Variants in BIN1 observed in about 807,000 individuals in gnomAD.
The protein encoded by BIN1 is myc box-dependent-interacting protein 1.
Under a neutral mutation model 82.0 loss-of-function variants are expected in BIN1, and 53 were observed. The ratio of observed to expected loss-of-function variants is 0.65; its 90% CI spans 0.52 to 0.81. The LOEUF (loss-of-function observed/expected upper bound fraction) is 0.81. Among genes scored for constraint, BIN1 ranks in the 40% least tolerant of loss-of-function variants. The probability of loss-of-function intolerance (pLI) is 0.00; values close to 1 mark genes in which losing one functional copy is unlikely to be tolerated. For synonymous variants in BIN1, 302 were observed against 328.0 expected, an observed-to-expected ratio of 0.92 and a Z score of 0.86; for missense variants, 642 against 784.4, an observed-to-expected ratio of 0.82 and a Z score of 2.17.
Position 127,107,104 on chromosome 2 carries a change from G to T in BIN1, c.-161C>A. On this transcript the variant is annotated 5_prime_UTR_variant, in exon 1 of 19. Coordinates refer to ENST00000316724, the MANE Select transcript of BIN1 (RefSeq NM_139343.3). The surrounding 1 kb of genome is among the most constrained non-coding windows in gnomAD (Gnocchi z 5.9). ...AACTGACGGAGGCGGAGCGTGCGCC[G>T]GACGGGCGAGCGAGCCAGCGAGCTA... The T allele has an allele frequency of 1.3e-6, 1 of 745,408 alleles. No individual in the cohort carries two copies. The allele number at this position is 745,408 out of a possible 1,614,324, so 46.2% of individuals were successfully genotyped here.
rs75448675 is a variant in BIN1, at chr2:127,089,222, T to C, written c.85-12516A>G. Among the ~76,000 whole-genome samples, 146 of 152,198 alleles carry C rather than the reference T, an allele frequency of 9.6e-4. 2 individuals carry two copies. The East Asian group carries it at 0.026, about 27-fold the overall frequency. ...TCCATCGGTGAGGAGCTTTAACCAC[T>C]GCACATGCGGCCTCGGCCCCCAGGA... On this transcript the variant is annotated intron_variant, in intron 1 of 18. Transcript: ENST00000316724.
chr2:127,102,866 T>C (rs766734855), intron 1 of BIN1, among the ~76,000 whole-genome samples: 1 of 152,154 alleles, frequency 6.6e-6, no homozygotes, highest in Non-Finnish European at 1.5e-5. Flanking sequence ...AGGAAGAGCC[T>C]GAACAGGTTC....
intron 1 of BIN1, among the ~76,000 whole-genome samples, chr2:127,079,991 G>GC (rs1687088438): frequency 6.6e-6 from 1 of 152,230 alleles, no homozygotes; most frequent in African/African-American, 2.4e-5. Flanking sequence ...GTGCTCCAGT[G>GC]CCCCCGCCTT....
chr2:127,081,750 G>C, intron 1 of BIN1: 1 of 1,262,482 alleles, frequency 7.9e-7, no homozygotes, highest in South Asian at 1.3e-5. Flanking sequence ...ACACATGGAA[G>C]GGGGACCTCA....
chr2:127,072,984 G>C (rs1686092385), intron 2 of BIN1, among the ~76,000 whole-genome samples: 1 of 152,192 alleles, frequency 6.6e-6, no homozygotes, highest in Non-Finnish European at 1.5e-5. Context: ...TCCCTGCCAG[G>C]CCTCCACCAT....
At chr2:127,092,861 C>G (rs184212408) in intron 1 of BIN1, among the ~76,000 whole-genome samples, 1 of 152,294 alleles carries the variant, frequency 6.6e-6, no homozygotes, top group Non-Finnish European at 1.5e-5. Flanking sequence ...GCCTGCACCC[C>G]CTGTGCCCGA....
chr2:127,078,191 C>T (rs188851236), intron 1 of BIN1, among the ~76,000 whole-genome samples: 2,440 of 152,288 alleles, frequency 0.016, 70 homozygotes, highest in African/African-American at 0.056. Flanking sequence ...ACTTCCCCCC[C>T]CAGCCAGGCC....
rs1257972196 is a variant in BIN1 at position 127,070,149 on chromosome 2, C to T, written c.316-59G>A. On this transcript the variant is annotated intron_variant, in intron 4 of 18. Transcript: ENST00000316724. ...GAGGGCTGGGCCACACCCGCCCCAG[C>T]GCTCACCTCGCAGGGACCAGCCCCA... 2.8e-6 allele frequency: 4 copies of T among 1,428,826 alleles called. No individual in the cohort carries two copies. In the South Asian group the frequency reaches 3.5e-5, roughly 12 times the overall value. The allele number at this position is 1,428,826 out of a possible 1,614,324, so 88.5% of individuals were successfully genotyped here. A position where few individuals can be genotyped will look rare whatever the true frequency, so the allele number is the denominator to read the frequency against.
chr2:127,081,685 C>T (rs773895520), intron 1 of BIN1: 51 of 868,588 alleles, frequency 5.9e-5, no homozygotes, highest in East Asian at 4.9e-4. Flanking sequence ...CACCAGCCAG[C>T]GGCACCCCTC....
chr2:127,076,354 G>GCA (rs1686608571), intron 2 of BIN1, among the ~76,000 whole-genome samples: 1 of 151,630 alleles, frequency 6.6e-6, no homozygotes, highest in Admixed American at 6.6e-5. Context: ...ACAATCTATT[G>GCA]CCTGCTCCTA....
rs1414099748 is a variant in BIN1 at position 127,056,932 on chromosome 2, G to A, written c.1131+541C>T. Among the ~76,000 whole-genome samples the A allele has an allele frequency of 5.3e-5, 8 of 152,230 alleles. No homozygotes were observed. The South Asian group carries it at 1.7e-3, about 32-fold the overall frequency. ...CTGCGTGGCTCCTTGCTGAGCCAAGGGCCCGTCGGGAGAGACCCAAGCCCC... is the reference window on the plus strand; with the variant it reads ...CTGCGTGGCTCCTTGCTGAGCCAAGAGCCCGTCGGGAGAGACCCAAGCCCC... On this transcript the variant is annotated intron_variant, in intron 12 of 18. Transcript: ENST00000316724.
rs1470682556 is a variant in BIN1 at position 127,067,333 on chromosome 2, C to T, written c.612+830G>A. Among the ~76,000 whole-genome samples the T allele has an allele frequency of 2.0e-5, 3 of 152,202 alleles. No individual in the cohort carries two copies. Among genetic ancestry groups the T allele is most frequent in the African/African-American group, 7.2e-5 (3 of 41,452 alleles). On this transcript the variant is annotated intron_variant, in intron 7 of 18. Coordinates refer to ENST00000316724, the MANE Select transcript of BIN1 (RefSeq NM_139343.3). This position sits in a 1 kb window ranked among gnomAD's most constrained non-coding sequence, Gnocchi z 4.7. ...TGCCTCAGTTTCATTGGCGAGAAAA[C>T]CACATGACCCACCTCTCACAGGGCA...
chr2:127,081,997 G>C (rs754042402), intron 1 of BIN1: 3 of 663,314 alleles, frequency 4.5e-6, no homozygotes, highest in Non-Finnish European at 5.6e-6. Flanking sequence ...CAGGCAGGCA[G>C]ACACAGACAG....
At chr2:127,078,527 A>G (rs557496569) in intron 1 of BIN1, among the ~76,000 whole-genome samples, 37 of 152,210 alleles carry the variant, frequency 2.4e-4, no homozygotes, top group African/African-American at 7.9e-4. Context: ...ATGGAGTGGG[A>G]AAGTGAGAGT....
chr2:127,094,471 G>A lies in BIN1; in HGVS notation c.84+12389C>T, dbSNP rs148554719. 4.5e-3 allele frequency among the ~76,000 whole-genome samples: 680 copies of A among 152,306 alleles called. 7 individuals carry two copies. In the Middle Eastern group the frequency reaches 0.048, roughly 11 times the overall value. ...TTTTATGGAAGTCAAAAGGAGATGAGGAGGGAGAGCAGGAGCAGGAACCTG... is the reference window on the plus strand; with the variant it reads ...TTTTATGGAAGTCAAAAGGAGATGAAGAGGGAGAGCAGGAGCAGGAACCTG... On this transcript the variant is annotated intron_variant, in intron 1 of 18. Transcript: ENST00000316724.
intron 9 of BIN1, among the ~76,000 whole-genome samples, chr2:127,063,109 G>A (rs1200277434): frequency 1.3e-5 from 2 of 152,242 alleles, no homozygotes; most frequent in African/African-American, 4.8e-5. Context: ...AGAAAGGTAC[G>A]CTAATCAGAC....
At chr2:127,084,885 G>A (rs576958022) in intron 1 of BIN1, among the ~76,000 whole-genome samples, 1 of 152,358 alleles carries the variant, frequency 6.6e-6, no homozygotes, top group African/African-American at 2.4e-5. Flanking sequence ...ACAAGGGGCA[G>A]CTTCCTGGTC....
At chr2:127,060,648 G>A in intron 10 of BIN1, 1 of 1,614,192 alleles carries the variant, frequency 6.2e-7, no homozygotes, top group Non-Finnish European at 8.5e-7. Context: ...TTTCTGTGGG[G>A]ACGGACGGGA....
At chr2:127,079,780 C>T (rs1053461147) in intron 1 of BIN1, among the ~76,000 whole-genome samples, 6 of 152,244 alleles carry the variant, frequency 3.9e-5, no homozygotes, top group African/African-American at 1.4e-4. Context: ...ATATTCTCAG[C>T]GGCTGCTGCT....
Sources: gnomAD v4.1 joint callset for allele counts (sites outside exome capture counted in the v4.1 genomes callset) on GRCh38, gnomAD v4.1.1 for gene constraint, Gnocchi (gnomAD v3.1) non-coding constraint, MANE v1.5 for transcripts, NCBI Gene and HGNC (gene_info 2026-07-23, HGNC 2026-07-21) for gene names.